Variants in ARFGAP3 observed in about 807,000 individuals in gnomAD.
ARFGAP3 encodes ARF GTPase activating protein 3.
In ARFGAP3, 72 loss-of-function variants were observed where a neutral mutation model predicts 75.0. The ratio of observed to expected loss-of-function variants is 0.96; its 90% confidence interval spans 0.79 to 1.17. The LOEUF is 1.17. Ranked by LOEUF, ARFGAP3 falls within the 50% of genes most tolerant of loss-of-function variation. The pLI, the probability that ARFGAP3 is intolerant of heterozygous loss-of-function variation, is 0.00. For missense variants in ARFGAP3, 620 were observed against 626.6 expected, an observed-to-expected ratio of 0.99 and a Z score of 0.11; for synonymous variants, 221 against 217.9, an observed-to-expected ratio of 1.01 and a Z score of -0.13.
At chr22:42,812,157 C>T (rs903594597) in intron 11 of ARFGAP3, among the ~76,000 whole-genome samples, 3 of 139,450 alleles carry the variant, frequency 2.2e-5, no homozygotes, top group South Asian at 2.3e-4. Flanking sequence ...CCTGGGAGGC[C>T]GAGACTGCAG....
At chr22:42,829,071 T>C (rs1926171092) in intron 6 of ARFGAP3, among the ~76,000 whole-genome samples, 1 of 152,238 alleles carries the variant, frequency 6.6e-6, no homozygotes, top group Non-Finnish European at 1.5e-5. Context: ...TAACGCACTG[T>C]TCCTGTTTGT....
At chr22:42,824,393 A>C (rs932097178) in intron 7 of ARFGAP3, among the ~76,000 whole-genome samples, 1 of 151,888 alleles carries the variant, frequency 6.6e-6, no homozygotes, top group Non-Finnish European at 1.5e-5. Flanking sequence ...GTCTCACTCC[A>C]TTACCTAGGC....
At chr22:42,824,197 T>A (rs12484991) in intron 7 of ARFGAP3, among the ~76,000 whole-genome samples, 16 of 82,288 alleles carry the variant, frequency 1.9e-4, no homozygotes, top group South Asian at 1.2e-3. Flanking sequence ...TTTTTTTTTT[T>A]AGAGATGGGT....
At chr22:42,826,438 G>A (rs1249328711) in intron 7 of ARFGAP3, among the ~76,000 whole-genome samples, 1 of 151,566 alleles carries the variant, frequency 6.6e-6, no homozygotes, top group African/African-American at 2.4e-5. Context: ...AGAGTGCAGT[G>A]GTGTGATCAT....
intron 2 of ARFGAP3, among the ~76,000 whole-genome samples, chr22:42,842,302 GCCTT>G (rs1393330064): frequency 3.4e-5 from 4 of 118,676 alleles, no homozygotes; most frequent in African/African-American, 7.1e-5. Flanking sequence ...ACCGTGCCTG[GCCTT>G]TTTTTTTTTT....
chr22:42,829,546 TG>T (rs36094986), intron 6 of ARFGAP3, among the ~76,000 whole-genome samples: 66,749 of 151,548 alleles, frequency 0.44, 15,169 homozygotes, highest in Non-Finnish European at 0.48. Context: ...AAAAAGAATG[TG>T]GAAAAAAAAA....
intron 3 of ARFGAP3, among the ~76,000 whole-genome samples, chr22:42,840,478 G>A (rs950421868): frequency 6.6e-6 from 1 of 151,790 alleles, no homozygotes; most frequent in Non-Finnish European, 1.5e-5. Context: ...GTGCAGTGGT[G>A]TGATCTCGGC....
chr22:42,829,633 C>T (rs1926197855), intron 6 of ARFGAP3, among the ~76,000 whole-genome samples: 1 of 152,138 alleles, frequency 6.6e-6, no homozygotes, highest in South Asian at 2.1e-4. Context: ...CCGTTTTTGT[C>T]TACATATGAA....
intron 14 of ARFGAP3, among the ~76,000 whole-genome samples, chr22:42,806,690 A>G (rs1925138029): frequency 6.6e-6 from 1 of 152,254 alleles, no homozygotes; most frequent in Non-Finnish European, 1.5e-5. Context: ...GACTGAGGCT[A>G]AAGACACCAT....
intron 7 of ARFGAP3, among the ~76,000 whole-genome samples, chr22:42,826,292 C>T (rs531939227): frequency 6.7e-6 from 1 of 148,240 alleles, no homozygotes; most frequent in East Asian, 2.0e-4. Context: ...ATGTTCTGAC[C>T]ACTGCTTATT....
chr22:42,802,662 T>C (rs1016984245), intron 14 of ARFGAP3, among the ~76,000 whole-genome samples: 4 of 123,734 alleles, frequency 3.2e-5, no homozygotes, highest in African/African-American at 6.2e-5. Context: ...AGTGCAGTGG[T>C]GCGATCTCGG....
chr22:42,809,208 T>C (rs963912915), intron 12 of ARFGAP3, among the ~76,000 whole-genome samples: 3 of 152,166 alleles, frequency 2.0e-5, no homozygotes, highest in Non-Finnish European at 2.9e-5. Flanking sequence ...TCTCTCTACA[T>C]TGTATAGGTT....
At chr22:42,819,686 A>G (rs8141176) in intron 9 of ARFGAP3, among the ~76,000 whole-genome samples, 55,978 of 152,106 alleles carry the variant, frequency 0.37, 11,199 homozygotes, top group Non-Finnish European at 0.45. Flanking sequence ...GGAGACCAGG[A>G]TGCTGCATGG....
chr22:42,824,570 GC>G, intron 7 of ARFGAP3, among the ~76,000 whole-genome samples: 1 of 145,468 alleles, frequency 6.9e-6, no homozygotes, highest in South Asian at 2.2e-4. Flanking sequence ...TCACTATGTT[GC>G]CCAGTCTGGT....
chr22:42,799,274 C>G (rs1033501340), intron 14 of ARFGAP3, 114 bp from the exon 15 acceptor site: 9 of 1,525,924 alleles, frequency 5.9e-6, no homozygotes, highest in Non-Finnish European at 1.8e-6. Context: ...CCTCCTGCTG[C>G]CTCACAAGGG....
chr22:42,824,571 C>T (rs1483980693), intron 7 of ARFGAP3, among the ~76,000 whole-genome samples: 1 of 151,022 alleles, frequency 6.6e-6, no homozygotes, highest in African/African-American at 2.4e-5. Flanking sequence ...CACTATGTTG[C>T]CCAGTCTGGT....
At position 42,817,045 on chromosome 22, in the gene ARFGAP3, T is replaced by C. The variant is rs1019148419; in HGVS notation, c.1064+97A>G. On this transcript the variant is annotated intron_variant, in intron 11 of 15. Transcript: ENST00000263245. ...GAGCTTTTAAAAACAGTGAAGTAAATTGATTTGTAATTTCTCCTAATGCAA... is the reference window on the plus strand; with the variant it reads ...GAGCTTTTAAAAACAGTGAAGTAAACTGATTTGTAATTTCTCCTAATGCAA... 3.8e-5 allele frequency: 34 copies of C among 905,560 alleles called. No homozygotes were observed. The Admixed American group carries it at 4.8e-4, about 13-fold the overall frequency. The allele number at this position is 905,560 out of a possible 1,614,324, so 56.1% of individuals were successfully genotyped here.
At chr22:42,804,376 ATTTTTTTTTTTTTT>A (rs1169858932) in intron 14 of ARFGAP3, among the ~76,000 whole-genome samples, 5 of 74,480 alleles carry the variant, frequency 6.7e-5, no homozygotes, top group African/African-American at 3.0e-4. Context: ...CACCCAGCTA[ATTTTTTTTTTTTTT>A]TTTTTTTTTT....
intron 14 of ARFGAP3, among the ~76,000 whole-genome samples, chr22:42,805,882 C>A (rs1265948969): frequency 6.6e-6 from 1 of 152,234 alleles, no homozygotes; most frequent in East Asian, 1.9e-4. Flanking sequence ...ACCCTTGTCT[C>A]ACTTGCTGCC....
Sources: gnomAD v4.1 joint callset for allele counts (sites outside exome capture counted in the v4.1 genomes callset) on GRCh38, gnomAD v4.1.1 for gene constraint, MANE v1.5 for transcripts, NCBI Gene and HGNC (gene_info 2026-07-23, HGNC 2026-07-21) for gene names.